Variants in DENND2B observed in about 807,000 individuals in gnomAD.
DENND2B encodes the protein DENN domain-containing protein 2B.
A neutral mutation model predicts 116.0 loss-of-function variants in DENND2B; 32 were observed. The observed-to-expected ratio is 0.28, with a 90% confidence interval of 0.21 to 0.37. The LOEUF (loss-of-function observed/expected upper bound fraction) is 0.37, where lower values mean the gene tolerates loss of function less well. Ranked by LOEUF, DENND2B falls within the 10% of genes least tolerant of loss-of-function variation. The pLI is 1.00. For synonymous variants in DENND2B, 588 were observed against 583.9 expected, an observed-to-expected ratio of 1.01 and a Z score of -0.10; for missense variants, 1,276 against 1,477.7, an observed-to-expected ratio of 0.86 and a Z score of 2.24.
At chr11:8,754,522 A>G (rs908643730) in intron 1 of DENND2B, among the ~76,000 whole-genome samples, 2 of 152,258 alleles carry the variant, frequency 1.3e-5, no homozygotes, top group African/African-American at 4.8e-5. Flanking sequence ...TAGTTCCTCA[A>G]AAAGTTATAC....
chr11:8,709,996 C>A (rs2043310960), intron 11 of DENND2B, among the ~76,000 whole-genome samples: 1 of 152,142 alleles, frequency 6.6e-6, no homozygotes, highest in Non-Finnish European at 1.5e-5. Flanking sequence ...GCCTGACTCT[C>A]AATAGGTCAG....
chr11:8,766,725 G>C, intron 1 of DENND2B: 2 of 1,258,346 alleles, frequency 1.6e-6, no homozygotes, highest in Non-Finnish European at 2.1e-6. Flanking sequence ...TGACATCACA[G>C]CTGTTGATAC....
intron 2 of DENND2B, among the ~76,000 whole-genome samples, chr11:8,866,055 G>T (rs887032216): frequency 5.3e-5 from 8 of 152,090 alleles, no homozygotes; most frequent in African/African-American, 1.9e-4. Flanking sequence ...CGCCTCCCGG[G>T]TTCACGCCAT....
intron 1 of DENND2B, among the ~76,000 whole-genome samples, chr11:8,908,034 C>T (rs1390429150): frequency 6.6e-6 from 1 of 152,142 alleles, no homozygotes; most frequent in Non-Finnish European, 1.5e-5. Context: ...GTCTATTTAA[C>T]TTAAAAATTA....
chr11:8,704,143 A>G (rs2042188427), intron 13 of DENND2B, among the ~76,000 whole-genome samples: 1 of 152,208 alleles, frequency 6.6e-6, no homozygotes, highest in Non-Finnish European at 1.5e-5. Context: ...AAGGAGATCA[A>G]GCCCAGGGGG....
At chr11:8,755,590 T>G (rs1329733377) in intron 1 of DENND2B, among the ~76,000 whole-genome samples, 1 of 152,150 alleles carries the variant, frequency 6.6e-6, no homozygotes, top group Non-Finnish European at 1.5e-5. Flanking sequence ...CAGATGCTTC[T>G]GGAAAAAGGA....
intron 1 of DENND2B, among the ~76,000 whole-genome samples, chr11:8,775,947 T>C (rs2057564582): frequency 6.6e-6 from 1 of 152,092 alleles, no homozygotes; most frequent in Non-Finnish European, 1.5e-5. Context: ...CATCCTGGAA[T>C]GTCAGTATCA....
chr11:8,810,787 T>TG (rs2061323890), upstream of DENND2B: 5 of 151,988 alleles, frequency 3.3e-5, no homozygotes, highest in South Asian at 1.0e-3. Context: ...GGGCGCTCTC[T>TG]TTTTCTTTCT....
At chr11:8,843,375 C>T (rs1204503169) in intron 3 of DENND2B, among the ~76,000 whole-genome samples, 1 of 152,142 alleles carries the variant, frequency 6.6e-6, no homozygotes, top group Non-Finnish European at 1.5e-5. Flanking sequence ...GAACCTTAGG[C>T]TGCAGCACTA....
rs752205075 is a variant in DENND2B at position 8,730,067 on chromosome 11, T to C, written c.1223A>G (p.Asn408Ser). 1.2e-5 allele frequency: 20 copies of C among 1,614,014 alleles called. No individual in the cohort carries two copies. Among genetic ancestry groups the C allele is most frequent in the Non-Finnish European group, 1.7e-5 (20 of 1,180,014 alleles). Residue 408 changes from asparagine (N) to serine (S), a missense_variant, in exon 3 of 20, where the codon AAT (asparagine) becomes AGT (serine). Physicochemically the swap from Asn to Ser is conservative, Grantham distance 46. Around this residue, in one of 2 missense-constraint regions of DENND2B, gnomAD observed 856 missense variants for 846.6 expected, o/e 1.01. Transcript: ENST00000313726. The surrounding 1 kb of genome is among the most constrained non-coding windows in gnomAD (Gnocchi z 4.1). ...ADKNPKSKPS[N>S]GLPPSPTPAA... ...AGGTGTGGGTGAAGGAGGTAGACCA[T>C]TACTGGGCTTACTCTTGGGGTTCTT...
chr11:8,895,206 A>G (rs1395900303), intron 1 of DENND2B, among the ~76,000 whole-genome samples: 1 of 151,920 alleles, frequency 6.6e-6, no homozygotes, highest in Admixed American at 6.6e-5. Context: ...CAATGAGAAC[A>G]CTTGGACACA....
chr11:8,836,460 C>T (rs951538879), intron 4 of DENND2B, among the ~76,000 whole-genome samples: 3 of 135,294 alleles, frequency 2.2e-5, no homozygotes, highest in Admixed American at 8.3e-5. Context: ...CTTGCTCTGT[C>T]GCCCAGGCTG....
At chr11:8,884,604 C>T (rs1263171890) in intron 1 of DENND2B, among the ~76,000 whole-genome samples, 1 of 152,162 alleles carries the variant, frequency 6.6e-6, no homozygotes, top group Admixed American at 6.5e-5. Context: ...TCGATGGTTA[C>T]AGGACCAGGC....
intron 2 of DENND2B, among the ~76,000 whole-genome samples, chr11:8,737,510 G>A (rs1195258292): frequency 6.6e-6 from 1 of 152,120 alleles, no homozygotes; most frequent in Non-Finnish European, 1.5e-5. Flanking sequence ...GAGGTAGGAA[G>A]GGAAGCACGA....
rs1417241292 is a variant in DENND2B at position 8,730,960 on chromosome 11, C to T, written c.330G>A (p.Lys110=). ...GGACACTTTCCTTTTGGGCGTCTCT[C>T]TTGCACGCCGAAGGGCTTCTGTCCA... The part of the protein sequence containing the change: ...GYLDRSPSAC[K]RDAQKESVQG... The change falls in exon 3 of 20, where the codon AAG becomes AAA. Residue 110 remains lysine (K), a synonymous_variant. Coordinates refer to ENST00000313726, the MANE Select transcript of DENND2B (RefSeq NM_213618.2). The surrounding 1 kb of genome is among the most constrained non-coding windows in gnomAD (Gnocchi z 4.1). 2 of 1,614,240 alleles carry T rather than the reference C, an allele frequency of 1.2e-6. No individual in the cohort carries two copies. Among genetic ancestry groups the T allele is most frequent in the Middle Eastern group, 1.6e-4 (1 of 6,062 alleles).
intron 2 of DENND2B, among the ~76,000 whole-genome samples, chr11:8,859,494 G>C (rs963934321): frequency 1.3e-5 from 2 of 152,032 alleles, no homozygotes; most frequent in South Asian, 4.2e-4. Context: ...TTTTTTAGTA[G>C]AGACGGGGTT....
intron 14 of DENND2B, among the ~76,000 whole-genome samples, chr11:8,699,592 A>G (rs568088719): frequency 6.6e-6 from 1 of 152,300 alleles, no homozygotes; most frequent in African/African-American, 2.4e-5. Flanking sequence ...CTCTTAGGGA[A>G]ATGTACCTGC....
intron 3 of DENND2B, among the ~76,000 whole-genome samples, chr11:8,846,077 C>A (rs1389265605): frequency 2.0e-5 from 3 of 152,152 alleles, no homozygotes; most frequent in Non-Finnish European, 4.4e-5. Flanking sequence ...GTAATGGTTT[C>A]TAGATGGGAA....
Position 8,730,498 on chromosome 11 carries a change from C to G in DENND2B, c.792G>C (p.Glu264Asp). 1 of 1,612,426 alleles carries G rather than the reference C, an allele frequency of 6.2e-7. No homozygotes were observed. Among genetic ancestry groups the G allele is most frequent in the Non-Finnish European group, 8.5e-7 (1 of 1,180,014 alleles). ...CATGCCCCCTGAGGAAGGCGCTGGG[C>G]TCACTCCGGCCCAGCCGTTTCTCCA... is the stretch of plus-strand genomic sequence containing the variant. ...YRLEKRLGRS[E>D]PSAFLRGHGS... is the part of the protein sequence containing the mutation. Residue 264 changes from glutamate (E) to aspartate (D), a missense_variant, in exon 3 of 20, where the codon GAG (glutamate) becomes GAC (aspartate). By Grantham distance (45) the Glu-to-Asp change is conservative (BLOSUM62 2). Coordinates refer to ENST00000313726, the MANE Select transcript of DENND2B (RefSeq NM_213618.2). The surrounding 1 kb of genome is among the most constrained non-coding windows in gnomAD (Gnocchi z 4.1).
Sources: allele counts gnomAD v4.1 joint callset (sites outside exome capture counted in the v4.1 genomes callset), GRCh38; gene constraint gnomAD v4.1.1; regional missense constraint gnomAD v4.1.1; non-coding constraint Gnocchi (gnomAD v3.1); transcripts MANE v1.5; gene names NCBI Gene and HGNC (gene_info 2026-07-23, HGNC 2026-07-21).